The following DYM variants were observed in gnomAD, a reference collection of about 807,000 sequenced individuals.
DYM encodes the protein dymeclin.
DYM carries 78 observed loss-of-function variants against 93.1 expected under a neutral mutation model. The observed-to-expected ratio is 0.84, with a 90% CI of 0.70 to 1.01. The LOEUF (loss-of-function observed/expected upper bound fraction) is 1.01. Ranked by LOEUF, DYM falls within the 50% of genes least tolerant of loss-of-function variation. The pLI is 0.00. For missense variants in DYM, 789 were observed against 845.0 expected, an observed-to-expected ratio of 0.93 and a Z score of 0.82; for synonymous variants, 321 against 319.7, an observed-to-expected ratio of 1.00 and a Z score of -0.04.
chr18:49,282,039 A>G lies in DYM; in HGVS notation c.1083T>C (p.Asn361=). 2 of 1,614,040 alleles carry G rather than the reference A, an allele frequency of 1.2e-6. No individual in the cohort carries two copies. The highest frequency in any genetic ancestry group is 1.7e-6 in the Non-Finnish European group (2 of 1,179,956). Residue 361 remains asparagine (N), a synonymous_variant, in exon 10 of 18, where the codon AAT becomes AAC. Coordinates refer to ENST00000675505, the MANE Select transcript of DYM (RefSeq NM_001353214.3). ...LLYTLLHQNS[N]IRTYMLARTD... ...TGCGAGCCAACATGTATGTTCTAATATTACTATTTTGATGGAGCAAGGTAT... is the reference window on the plus strand; with the variant it reads ...TGCGAGCCAACATGTATGTTCTAATGTTACTATTTTGATGGAGCAAGGTAT...
chr18:49,286,271 C>T (rs1430852412), intron 9 of DYM, among the ~76,000 whole-genome samples, 163 bp downstream of exon 9: 1 of 152,118 alleles, frequency 6.6e-6, no homozygotes, highest in East Asian at 1.9e-4. Flanking sequence ...GATGCTTGAC[C>T]TTCCTGATAA....
At position 49,272,256 on chromosome 18, in the gene DYM, T is replaced by G. The variant is rs768415324; in HGVS notation, c.1173A>C (p.Ser391=). Residue 391 remains serine, a synonymous_variant, in exon 11 of 18, where the codon TCA becomes TCC. Coordinates refer to ENST00000675505, the MANE Select transcript of DYM (RefSeq NM_001353214.3). The part of the protein sequence containing the change: ...EILYHVEERN[S]HHVYMALIIL... ...TTATAAGGGCCATATACACATGGTG[T>G]GAATTCCTTTCTTCAACATGATACA... 2 of 1,589,770 alleles carry G rather than the reference T, an allele frequency of 1.3e-6. No individual in the cohort carries two copies. Among genetic ancestry groups the G allele is most frequent in the East Asian group, 4.5e-5 (2 of 44,640 alleles).
chr18:49,078,137 C>T (rs1243165739), intron 17 of DYM, among the ~76,000 whole-genome samples: 1 of 152,062 alleles, frequency 6.6e-6, no homozygotes, highest in Non-Finnish European at 1.5e-5. Flanking sequence ...CTAGAGATGA[C>T]AATATACACT....
intron 10 of DYM, among the ~76,000 whole-genome samples, chr18:49,280,350 A>G (rs2094939389): frequency 6.6e-6 from 1 of 152,224 alleles, no homozygotes; most frequent in African/African-American, 2.4e-5. Context: ...GTGAGTTCAG[A>G]CAGTCCTAAA....
intron 8 of DYM, among the ~76,000 whole-genome samples, chr18:49,311,573 T>C (rs902859420): frequency 2.6e-5 from 4 of 152,094 alleles, no homozygotes; most frequent in Non-Finnish European, 4.4e-5. Flanking sequence ...TCATGTCCTT[T>C]GTAGGGACAT....
intron 2 of DYM, among the ~76,000 whole-genome samples, chr18:49,415,321 C>CCAAA: frequency 1.1e-5 from 1 of 87,068 alleles, no homozygotes; most frequent in East Asian, 3.9e-4. Flanking sequence ...CTGGGTCTCT[C>CCAAA]AAAAAAAAAA....
chr18:49,391,501 A>G, intron 3 of DYM, 92 bp downstream of exon 3: 1 of 1,239,486 alleles, frequency 8.1e-7, no homozygotes, highest in Non-Finnish European at 1.2e-6. Context: ...ATCAAAGAAG[A>G]GTAATTACTT....
At chr18:49,307,792 T>C (rs2061356181) in intron 8 of DYM, among the ~76,000 whole-genome samples, 1 of 152,180 alleles carries the variant, frequency 6.6e-6, no homozygotes, top group African/African-American at 2.4e-5. Context: ...CATCCTTCCT[T>C]TGAATAAAAG....
At chr18:49,326,808 C>A (rs2062911901) in intron 8 of DYM, among the ~76,000 whole-genome samples, 2 of 152,056 alleles carry the variant, frequency 1.3e-5, no homozygotes, top group African/African-American at 4.8e-5. Context: ...TATCCATTTT[C>A]TTATTTTTAT....
intron 3 of DYM, among the ~76,000 whole-genome samples, chr18:49,390,250 C>A (rs1272754199): frequency 6.6e-6 from 1 of 152,070 alleles, no homozygotes; most frequent in Non-Finnish European, 1.5e-5. Context: ...ACACAGGAGA[C>A]CCCCATCTAT....
In DYM at chr18:49,234,291, CA is replaced by C. The variant is rs547576659; in HGVS notation, c.1460+22718del. Among the ~76,000 whole-genome samples, 698 of 151,896 alleles carry C rather than the reference CA, an allele frequency of 4.6e-3. 4 individuals are homozygous for C. The highest frequency in any genetic ancestry group is 6.9e-3 in the Non-Finnish European group (471 of 67,946). The stretch of plus-strand genomic sequence containing the variant: ...ACAACATGGCAAAACCCTGTGTCTA[CA>C]AAAAATAGAAAAAAATTAGTTGGGC... On this transcript the variant is annotated intron_variant, in intron 13 of 17. Transcript: ENST00000675505.
intron 8 of DYM, chr18:49,321,074 A>G (rs1371405149): frequency 3.7e-6 from 1 of 272,760 alleles, no homozygotes; most frequent in African/African-American, 2.2e-5. Context: ...CAAAGCAAAT[A>G]AGTTTTAACC....
chr18:49,244,312 C>T (rs1237263268), intron 13 of DYM, among the ~76,000 whole-genome samples: 1 of 152,136 alleles, frequency 6.6e-6, no homozygotes, highest in African/African-American at 2.4e-5. Context: ...GTGTCTGGGA[C>T]CCCCACTATT....
chr18:49,439,781 A>C (rs1051785926), intron 1 of DYM, among the ~76,000 whole-genome samples: 1 of 152,122 alleles, frequency 6.6e-6, no homozygotes, highest in Non-Finnish European at 1.5e-5. Context: ...AGGTACAAGG[A>C]TTTCCAGAAG....
At chr18:49,408,742 G>A (rs562950559) in intron 2 of DYM, among the ~76,000 whole-genome samples, 5 of 152,158 alleles carry the variant, frequency 3.3e-5, no homozygotes, top group South Asian at 2.1e-4. Flanking sequence ...AATTATTACC[G>A]TGCCATGTAA....
chr18:49,064,792 T>C (rs1419054551), intron 17 of DYM, among the ~76,000 whole-genome samples: 1 of 151,826 alleles, frequency 6.6e-6, no homozygotes, highest in Non-Finnish European at 1.5e-5. Flanking sequence ...TAAATTTAGG[T>C]TTAATTTTTA....
At chr18:49,349,349 C>G (rs2064918749) in intron 6 of DYM, among the ~76,000 whole-genome samples, 1 of 151,114 alleles carries the variant, frequency 6.6e-6, no homozygotes, top group African/African-American at 2.4e-5. Flanking sequence ...AATTAAAGTT[C>G]AACACAAAAA....
At chr18:49,208,966 T>C (rs2051326) in intron 14 of DYM, among the ~76,000 whole-genome samples, 152,045 of 152,338 alleles carry the variant, frequency 1, 75,878 homozygotes, top group Middle Eastern at 1. Context: ...CTTACTCCAC[T>C]GACCCCCATT....
At chr18:49,288,053 G>A (rs1336579300) in intron 8 of DYM, among the ~76,000 whole-genome samples, 1 of 152,120 alleles carries the variant, frequency 6.6e-6, no homozygotes, top group East Asian at 1.9e-4. Flanking sequence ...AGATACACTA[G>A]TATTAAAATT....
Sources: gnomAD v4.1 joint callset for allele counts (sites outside exome capture counted in the v4.1 genomes callset) on GRCh38, gnomAD v4.1.1 for gene constraint, MANE v1.5 for transcripts, NCBI Gene and HGNC (gene_info 2026-07-23, HGNC 2026-07-21) for gene names.